Variants in SCN2A observed in about 807,000 individuals in gnomAD.
SCN2A encodes the protein sodium voltage-gated channel alpha subunit 2.
In SCN2A, 20 loss-of-function variants were observed where a neutral mutation model predicts 188.7. The observed-to-expected ratio is 0.11, with a 90% CI of 0.07 to 0.15. The LOEUF is 0.15. Ranked by LOEUF, SCN2A falls within the 10% of genes least tolerant of loss-of-function variation. The pLI is 1.00. For missense variants in SCN2A, 1,278 were observed against 2,445.0 expected (o/e 0.52, Z 10.07); for synonymous variants, 804 against 833.1 (o/e 0.97, Z 0.60).
chr2:165,251,426 C>T (rs1390412765), intron 1 of SCN2A, among the ~76,000 whole-genome samples: 3 of 152,012 alleles, frequency 2.0e-5, no homozygotes, highest in South Asian at 2.1e-4. Context: ...TCAAATATAG[C>T]GTGATGATAT....
chr2:165,365,555 A>G (rs1295605370), intron 18 of SCN2A, among the ~76,000 whole-genome samples: 3 of 152,156 alleles, frequency 2.0e-5, no homozygotes, highest in Non-Finnish European at 4.4e-5. Context: ...AGAAATTATT[A>G]ACTGGCTTTT....
At chr2:165,293,639 G>T (rs1253990320) in intron 1 of SCN2A, among the ~76,000 whole-genome samples, 1 of 152,132 alleles carries the variant, frequency 6.6e-6, no homozygotes, top group East Asian at 1.9e-4. Context: ...ATTAAGCAGT[G>T]CACTACTGTA....
chr2:165,321,589 A>C (rs1698078879), intron 11 of SCN2A, among the ~76,000 whole-genome samples: 1 of 152,204 alleles, frequency 6.6e-6, no homozygotes, highest in South Asian at 2.1e-4. Context: ...GCAGAAGGCA[A>C]AGAGGAGCAA....
In SCN2A at chr2:165,389,410, G is replaced by A. The variant is rs1166366442; in HGVS notation, c.5604G>A (p.Glu1868=). 6.2e-7 allele frequency: 1 copy of A among 1,613,870 alleles called. No individual in the cohort carries two copies. ...CTTTTACAAAGCGTGTTTTGGGTGA[G>A]AGTGGAGAGATGGATGCCCTTCGAA... The part of the protein sequence containing the change: ...LFAFTKRVLG[E]SGEMDALRIQ... The change falls in exon 27 of 27, where the codon GAG becomes GAA. Residue 1868 remains glutamate (E), a synonymous_variant. Transcript: ENST00000375437. This position sits in a 1 kb window ranked among gnomAD's most constrained non-coding sequence, Gnocchi z 4.2.
Position 165,297,212 on chromosome 2 carries a change from T to C in SCN2A, c.386+77T>C, listed in dbSNP as rs188325699. On this transcript the variant is annotated intron_variant, in intron 3 of 26. Coordinates refer to ENST00000375437, the MANE Select transcript of SCN2A (RefSeq NM_001040142.2). ...ATTGAGCTACACATTTTCCAAAATA[T>C]CTGTGGTTGGCAATGTTATGTGTTC... 2.4e-4 allele frequency: 209 copies of C among 865,138 alleles called. No individual in the cohort carries two copies. The African/African-American group carries it at 2.8e-3, about 12-fold the overall frequency. 53.6% of individuals were successfully genotyped at this position (865,138 alleles called of 1,614,324 possible).
At chr2:165,325,924 G>A (rs916851566) in intron 12 of SCN2A, among the ~76,000 whole-genome samples, 1 of 152,048 alleles carries the variant, frequency 6.6e-6, no homozygotes, top group Admixed American at 6.6e-5. Context: ...ATAATAGGAT[G>A]TGACCAAAAT....
intron 1 of SCN2A, among the ~76,000 whole-genome samples, chr2:165,256,363 T>C (rs568829115): frequency 5.9e-5 from 9 of 152,322 alleles, no homozygotes; most frequent in Admixed American, 5.9e-4. Flanking sequence ...ACTCTTTTTG[T>C]TAAAAGATTT....
At chr2:165,335,249 A>G (rs542756463) in intron 14 of SCN2A, among the ~76,000 whole-genome samples, 1 of 151,632 alleles carries the variant, frequency 6.6e-6, no homozygotes, top group Non-Finnish European at 1.5e-5. Context: ...AGAAAGTGAT[A>G]AATTGACTGT....
At position 165,290,276 on chromosome 2, in the gene SCN2A, T is replaced by C. The variant is rs189571884; in HGVS notation, c.-51-5497T>C. ...AGTTCTATAATATTGTTAAGTATAG[T>C]CATCCTACAGTGCTATAGAAGCTAT... is the stretch of plus-strand genomic sequence containing the variant. On this transcript the variant is annotated intron_variant, in intron 1 of 26. Transcript: ENST00000375437. 3.4e-4 allele frequency among the ~76,000 whole-genome samples: 52 copies of C among 152,280 alleles called. 2 individuals are homozygous for C. The highest frequency in any genetic ancestry group is 3.4e-3 in the Admixed American group (52 of 15,304).
At chr2:165,266,868 C>T (rs891356302) in intron 1 of SCN2A, 1 of 151,896 alleles carries the variant, frequency 6.6e-6, no homozygotes, top group Non-Finnish European at 1.5e-5. Context: ...TTTCTAAACA[C>T]TAAGAATCAA....
intron 25 of SCN2A, among the ~76,000 whole-genome samples, chr2:165,383,557 T>C (rs1384232810): frequency 6.6e-6 from 1 of 152,092 alleles, no homozygotes; most frequent in Non-Finnish European, 1.5e-5. Flanking sequence ...ACCCAGTCAG[T>C]CTGGGCTTTG....
chr2:165,343,255 T>G (rs1270925833), intron 15 of SCN2A, among the ~76,000 whole-genome samples: 7 of 152,188 alleles, frequency 4.6e-5, no homozygotes, highest in Non-Finnish European at 8.8e-5. Flanking sequence ...CTGAAGACTT[T>G]TTCATGAAAT....
intron 3 of SCN2A, among the ~76,000 whole-genome samples, chr2:165,307,464 A>G (rs1697197795): frequency 6.6e-6 from 1 of 152,126 alleles, no homozygotes; most frequent in South Asian, 2.1e-4. Flanking sequence ...ACATTTAATT[A>G]ATTACTTGAA....
Position 165,282,825 on chromosome 2 carries a change from A to G in SCN2A, c.-51-12948A>G, listed in dbSNP as rs112061117. On this transcript the variant is annotated intron_variant, in intron 1 of 26. Coordinates refer to ENST00000375437, the MANE Select transcript of SCN2A (RefSeq NM_001040142.2). ...CAACTTGAACCAGTGTGCTAATGGT[A>G]GAGGAGGTGAGAAATGATTGGATCC... Among the ~76,000 whole-genome samples the G allele has an allele frequency of 9.8e-5, 15 of 152,328 alleles. 1 individual carries two copies. The highest frequency in any genetic ancestry group is 2.9e-4 in the African/African-American group (12 of 41,570).
intron 2 of SCN2A, chr2:165,296,666 C>A (rs565011072): frequency 7.8e-4 from 141 of 181,026 alleles, no homozygotes; most frequent in Non-Finnish European, 1.2e-3. Flanking sequence ...TTGAAGTTCT[C>A]ATGAGAAAAT....
chr2:165,370,787 C>T (rs536385100), intron 20 of SCN2A: 73 of 158,600 alleles, frequency 4.6e-4, no homozygotes, highest in Non-Finnish European at 9.4e-4. Context: ...TGGCTATTGA[C>T]CAAGTAGCCA....
chr2:165,290,388 T>C (rs1256695130), intron 1 of SCN2A, among the ~76,000 whole-genome samples: 1 of 152,144 alleles, frequency 6.6e-6, no homozygotes, highest in Non-Finnish European at 1.5e-5. Context: ...CTTTGTTCCA[T>C]TTTTTACTTC....
chr2:165,262,780 T>C (rs1024847873), intron 1 of SCN2A, among the ~76,000 whole-genome samples: 2 of 152,212 alleles, frequency 1.3e-5, no homozygotes, highest in African/African-American at 4.8e-5. Context: ...GTGGAATTGC[T>C]GGATCAAATG....
intron 1 of SCN2A, among the ~76,000 whole-genome samples, chr2:165,283,835 G>A (rs762389598): frequency 3.9e-5 from 6 of 152,156 alleles, no homozygotes; most frequent in African/African-American, 1.4e-4. Context: ...CTGGCTCAGA[G>A]TGGCAATGGC....
Sources: allele counts gnomAD v4.1 joint callset (sites outside exome capture counted in the v4.1 genomes callset), GRCh38; gene constraint gnomAD v4.1.1; non-coding constraint Gnocchi (gnomAD v3.1); transcripts MANE v1.5; gene names NCBI Gene and HGNC (gene_info 2026-07-23, HGNC 2026-07-21).